CCSER1: variants seen among roughly 807,000 people sequenced by gnomAD.
CCSER1 encodes the protein serine-rich coiled-coil domain-containing protein 1.
In CCSER1, 41 loss-of-function variants were observed where a neutral mutation model predicts 82.0. The observed-to-expected ratio is 0.50, with a 90% CI of 0.39 to 0.65. CCSER1 has a LOEUF of 0.65. CCSER1 is among the 30% of genes least tolerant of loss of function. The pLI, the probability that CCSER1 is intolerant of heterozygous loss-of-function variation, is 0.00. For missense variants in CCSER1, 1,119 were observed against 1,064.2 expected (o/e 1.05, Z -0.72); for synonymous variants, 414 against 383.9 (o/e 1.08, Z -0.92).
rs779730467 is a variant in CCSER1, at chr4:91,377,320, G to T, written c.2218-221252G>T. 4.7e-4 allele frequency among the ~76,000 whole-genome samples: 71 copies of T among 152,214 alleles called. 1 individual carries two copies. Among genetic ancestry groups the T allele is most frequent in the African/African-American group, 8.7e-4 (36 of 41,540 alleles). ...TCTAGTTCTAGATCCTTGAGGAATC[G>T]CCACACTGTCTTCCACAATGGTTGA... is the stretch of plus-strand genomic sequence containing the variant. On this transcript the variant is annotated intron_variant, in intron 10 of 10. Transcript: ENST00000509176.
chr4:90,712,917 T>TC (rs1553994143), intron 6 of CCSER1, among the ~76,000 whole-genome samples: 1 of 149,144 alleles, frequency 6.7e-6, no homozygotes, highest in African/African-American at 2.4e-5. Flanking sequence ...TTTTTTTTTT[T>TC]AATCATTGTT....
intron 1 of CCSER1, among the ~76,000 whole-genome samples, chr4:90,246,790 A>T (rs1358926152): frequency 6.6e-6 from 1 of 152,194 alleles, no homozygotes; most frequent in Non-Finnish European, 1.5e-5. Context: ...GTAAGAAGTT[A>T]TGTGAATGTG....
intron 9 of CCSER1, among the ~76,000 whole-genome samples, chr4:90,937,480 A>AACACACACACACACACACACACACAC: frequency 6.8e-6 from 1 of 146,146 alleles, no homozygotes; most frequent in Admixed American, 6.8e-5. Flanking sequence ...TCTAATTTGA[A>AACACACACACACACACACACACACAC]ACACACACAC....
chr4:90,853,182 A>G (rs1318569096), intron 8 of CCSER1, among the ~76,000 whole-genome samples: 4 of 152,290 alleles, frequency 2.6e-5, no homozygotes, highest in African/African-American at 7.2e-5. Context: ...CTGGCTTTGT[A>G]TTCTCTGTAA....
intron 5 of CCSER1, among the ~76,000 whole-genome samples, chr4:90,579,308 A>C (rs932101690): frequency 5.3e-5 from 8 of 152,186 alleles, no homozygotes; most frequent in African/African-American, 1.4e-4. Context: ...CAACACAGTC[A>C]TTTTGAACAA....
intron 6 of CCSER1, among the ~76,000 whole-genome samples, chr4:90,658,699 C>G (rs1234451360): frequency 6.6e-6 from 1 of 152,200 alleles, no homozygotes; most frequent in Non-Finnish European, 1.5e-5. Context: ...TATTACTCCC[C>G]TCTAGGAATA....
chr4:90,196,411 C>A (rs774808564), intron 1 of CCSER1, among the ~76,000 whole-genome samples: 1 of 151,984 alleles, frequency 6.6e-6, no homozygotes, highest in Non-Finnish European at 1.5e-5. Flanking sequence ...AGGAGTTGCA[C>A]TCAGTTGAAG....
intron 8 of CCSER1, among the ~76,000 whole-genome samples, chr4:90,913,634 C>T (rs1483069035): frequency 1.3e-5 from 2 of 152,154 alleles, no homozygotes; most frequent in African/African-American, 2.4e-5. Flanking sequence ...CAAATTCACA[C>T]ATAACAATAT....
At chr4:91,237,642 A>G (rs984339344) in intron 10 of CCSER1, among the ~76,000 whole-genome samples, 3 of 152,202 alleles carry the variant, frequency 2.0e-5, no homozygotes, top group African/African-American at 7.2e-5. Flanking sequence ...AGACTAAGAT[A>G]GAACAAATTT....
At chr4:91,449,834 C>G (rs1333750597) in intron 10 of CCSER1, among the ~76,000 whole-genome samples, 1 of 151,966 alleles carries the variant, frequency 6.6e-6, no homozygotes, top group South Asian at 2.1e-4. Flanking sequence ...TAGAATTGGT[C>G]ACTGTTAACT....
At chr4:91,079,006 A>G (rs1228107935) in intron 9 of CCSER1, among the ~76,000 whole-genome samples, 1 of 152,230 alleles carries the variant, frequency 6.6e-6, no homozygotes, top group Non-Finnish European at 1.5e-5. Flanking sequence ...AACACTCTTC[A>G]GGATATCATC....
chr4:90,775,861 A>G (rs146617574), intron 7 of CCSER1, among the ~76,000 whole-genome samples: 8 of 151,934 alleles, frequency 5.3e-5, no homozygotes, highest in African/African-American at 1.7e-4. Context: ...TCCTTAGCCT[A>G]TCACTGAGGA....
In CCSER1 at chr4:91,013,144, T is replaced by C. The variant is rs1006920281; in HGVS notation, c.2173-72806T>C. Among the ~76,000 whole-genome samples the C allele has an allele frequency of 2.2e-5, 3 of 134,908 alleles. 1 individual carries two copies. Among genetic ancestry groups the C allele is most frequent in the Admixed American group, 7.3e-5 (1 of 13,666 alleles). The allele number at this position is 134,908 out of a possible 152,430, so 88.5% of individuals were successfully genotyped here. ...CAAGGGAACGAAAGATAAGGGCTTC[T>C]AATCAACCATTTTGCTAATGTCACA... On this transcript the variant is annotated intron_variant, in intron 9 of 10. Transcript: ENST00000509176.
chr4:91,153,857 T>A (rs1329726190), intron 10 of CCSER1, among the ~76,000 whole-genome samples: 2 of 151,950 alleles, frequency 1.3e-5, no homozygotes, highest in Admixed American at 6.6e-5. Context: ...TGCTGCCTGA[T>A]GCTTCCTCTG....
intron 3 of CCSER1, among the ~76,000 whole-genome samples, chr4:90,378,293 T>G (rs551622214): frequency 2.0e-4 from 31 of 152,164 alleles, no homozygotes; most frequent in Non-Finnish European, 3.2e-4. Flanking sequence ...TGTAAAATAC[T>G]TTATAGTTTT....
intron 4 of CCSER1, among the ~76,000 whole-genome samples, chr4:90,457,862 A>G (rs921209783): frequency 6.6e-6 from 1 of 152,122 alleles, no homozygotes; most frequent in Non-Finnish European, 1.5e-5. Context: ...GCTTTCTGCC[A>G]TCATCAACCT....
At chr4:90,715,495 A>C (rs149667013) in intron 6 of CCSER1, among the ~76,000 whole-genome samples, 250 of 152,158 alleles carry the variant, frequency 1.6e-3, no homozygotes, top group Admixed American at 2.7e-3. Flanking sequence ...GAATTGTATC[A>C]CAAGATCAGA....
At chr4:91,368,218 A>C (rs1749778716) in intron 10 of CCSER1, among the ~76,000 whole-genome samples, 1 of 152,174 alleles carries the variant, frequency 6.6e-6, no homozygotes, top group Non-Finnish European at 1.5e-5. Context: ...TCAGATCCAT[A>C]ACTTACACTG....
At chr4:90,902,142 T>C (rs1251853122) in intron 8 of CCSER1, among the ~76,000 whole-genome samples, 1 of 151,910 alleles carries the variant, frequency 6.6e-6, no homozygotes, top group Non-Finnish European at 1.5e-5. Flanking sequence ...TTCTATTTTT[T>C]TTATTTTGTT....
Sources: allele counts gnomAD v4.1 joint callset (sites outside exome capture counted in the v4.1 genomes callset), GRCh38; gene constraint gnomAD v4.1.1; transcripts MANE v1.5; gene names NCBI Gene and HGNC (gene_info 2026-07-23, HGNC 2026-07-21).